The following TMEM163 variants were observed in gnomAD, a reference collection of about 807,000 sequenced individuals.
The protein encoded by TMEM163 is transmembrane protein 163.
In TMEM163, 17 loss-of-function variants were observed where a neutral mutation model predicts 29.3. The ratio of observed to expected loss-of-function variants is 0.58; its 90% confidence interval spans 0.40 to 0.87. The LOEUF (loss-of-function observed/expected upper bound fraction) is 0.87, where lower values mean the gene tolerates loss of function less well. Ranked by LOEUF, TMEM163 falls within the 40% of genes least tolerant of loss-of-function variation. The probability of loss-of-function intolerance (pLI) is 0.00; values close to 1 mark genes in which losing one functional copy is unlikely to be tolerated. For synonymous variants in TMEM163, 157 were observed against 160.6 expected, an observed-to-expected ratio of 0.98 and a Z score of 0.17; for missense variants, 303 against 381.5, an observed-to-expected ratio of 0.79 and a Z score of 1.71.
chr2:134,463,036 C>T (rs909658944), intron 6 of TMEM163, among the ~76,000 whole-genome samples: 4 of 152,246 alleles, frequency 2.6e-5, no homozygotes, highest in Non-Finnish European at 4.4e-5. Context: ...GCTATGGACT[C>T]ACCACTGGGA....
At chr2:134,707,897 C>CTTTTTT (rs35922959) in intron 2 of TMEM163, among the ~76,000 whole-genome samples, 1 of 133,666 alleles carries the variant, frequency 7.5e-6, no homozygotes. Flanking sequence ...CAGACCAGAA[C>CTTTTTT]TTTTTTTTTT....
chr2:134,538,742 C>T (rs1310618040), intron 4 of TMEM163, among the ~76,000 whole-genome samples: 1 of 152,156 alleles, frequency 6.6e-6, no homozygotes, highest in Non-Finnish European at 1.5e-5. Context: ...ACCAAGAGTA[C>T]CTGATTCCAT....
intron 2 of TMEM163, among the ~76,000 whole-genome samples, chr2:134,571,261 C>T (rs999349125): frequency 6.6e-6 from 1 of 152,138 alleles, no homozygotes; most frequent in Non-Finnish European, 1.5e-5. Flanking sequence ...AATGGCATTG[C>T]CCATATACTG....
At chr2:134,700,941 A>AATAAATAAATACATACATAAATAC (rs371684167) in intron 2 of TMEM163, among the ~76,000 whole-genome samples, 14 of 146,410 alleles carry the variant, frequency 9.6e-5, no homozygotes, top group African/African-American at 2.8e-4. Context: ...TAAATAAATA[A>AATAAATAAATACATACATAAATAC]ATAAATAAAG....
At chr2:134,650,240 C>T (rs1424041748) in intron 2 of TMEM163, among the ~76,000 whole-genome samples, 1 of 151,688 alleles carries the variant, frequency 6.6e-6, no homozygotes, top group African/African-American at 2.4e-5. Flanking sequence ...AAAAGGAGCT[C>T]GGAACCTTTA....
At chr2:134,587,972 G>T (rs1224354212) in intron 2 of TMEM163, among the ~76,000 whole-genome samples, 2 of 152,208 alleles carry the variant, frequency 1.3e-5, no homozygotes, top group African/African-American at 4.8e-5. Flanking sequence ...CATCCAAAGG[G>T]AAGGAAAATG....
At chr2:134,576,562 A>G (rs1010202777) in intron 2 of TMEM163, among the ~76,000 whole-genome samples, 2 of 152,204 alleles carry the variant, frequency 1.3e-5, no homozygotes, top group East Asian at 3.8e-4. Flanking sequence ...TCAGAGGCCA[A>G]GATTTTCTTT....
chr2:134,580,616 C>G lies in TMEM163; in HGVS notation c.323-28525G>C, dbSNP rs369064011. On this transcript the variant is annotated intron_variant, in intron 2 of 7. Coordinates refer to ENST00000281924, the MANE Select transcript of TMEM163 (RefSeq NM_030923.5). The stretch of plus-strand genomic sequence containing the variant: ...GCCCAAGATCAATGCAAAAATAAGT[C>G]AAACAACCCTAGAGGCCGGGCGCAG... Among the ~76,000 whole-genome samples, 6 of 152,054 alleles carry G rather than the reference C, an allele frequency of 3.9e-5. No homozygotes were observed. The East Asian group carries it at 9.6e-4, about 24-fold the overall frequency.
chr2:134,651,869 A>T (rs1479343604), intron 2 of TMEM163, among the ~76,000 whole-genome samples: 1 of 118,170 alleles, frequency 8.5e-6, no homozygotes. Context: ...ATGCGGCATT[A>T]TTTCTGAGGG....
intron 1 of TMEM163, among the ~76,000 whole-genome samples, chr2:134,718,453 G>C (rs1446500386): frequency 2.0e-5 from 3 of 152,250 alleles, no homozygotes; most frequent in South Asian, 4.1e-4. Flanking sequence ...GGGCGCCGGA[G>C]GGCCTGGAGC....
intron 4 of TMEM163, among the ~76,000 whole-genome samples, chr2:134,536,627 G>T (rs1183906131): frequency 6.6e-6 from 1 of 152,160 alleles, no homozygotes; most frequent in Non-Finnish European, 1.5e-5. Flanking sequence ...AAAACTGGAA[G>T]AGCGAAACCT....
intron 2 of TMEM163, among the ~76,000 whole-genome samples, chr2:134,683,427 A>T (rs886090077): frequency 3.8e-5 from 4 of 104,114 alleles, no homozygotes; most frequent in South Asian, 2.4e-4. Context: ...TCTTTAATTT[A>T]AAAAAAAAAA....
intron 2 of TMEM163, among the ~76,000 whole-genome samples, chr2:134,612,926 C>T (rs544204825): frequency 2.9e-4 from 44 of 152,260 alleles, no homozygotes; most frequent in African/African-American, 9.9e-4. Context: ...AAAACTGTCT[C>T]AGAGGAAGCC....
intron 2 of TMEM163, among the ~76,000 whole-genome samples, chr2:134,633,016 C>T (rs1397167506): frequency 6.6e-6 from 1 of 151,770 alleles, no homozygotes; most frequent in Non-Finnish European, 1.5e-5. Context: ...CCTCGGCCTC[C>T]CAAAGTGCTG....
chr2:134,644,569 T>C lies in TMEM163; in HGVS notation c.322+68631A>G, dbSNP rs554027194. ...TATGCAAAAAATAAGTTGCAATCTA[T>C]ACACATCATAATTAGTTGCAACCTA... On this transcript the variant is annotated intron_variant, in intron 2 of 7. Transcript: ENST00000281924. Among the ~76,000 whole-genome samples the C allele has an allele frequency of 7.9e-5, 12 of 152,298 alleles. No homozygotes were observed. In the East Asian group the frequency reaches 1.9e-3, roughly 24 times the overall value.
At chr2:134,547,799 T>C (rs1394284404) in intron 4 of TMEM163, among the ~76,000 whole-genome samples, 2 of 152,230 alleles carry the variant, frequency 1.3e-5, no homozygotes, top group African/African-American at 4.8e-5. Context: ...TTTTTGCCTT[T>C]TCGACAATGA....
At chr2:134,536,778 A>G (rs1269615758) in intron 4 of TMEM163, among the ~76,000 whole-genome samples, 2 of 152,224 alleles carry the variant, frequency 1.3e-5, no homozygotes, top group African/African-American at 4.8e-5. Context: ...GTCAGATTAG[A>G]AAAGGAACTA....
intron 2 of TMEM163, among the ~76,000 whole-genome samples, chr2:134,639,243 C>G (rs749425946): frequency 6.6e-6 from 1 of 152,146 alleles, no homozygotes; most frequent in Non-Finnish European, 1.5e-5. Context: ...TTTCACAGGA[C>G]AGGAAGACTG....
intron 2 of TMEM163, among the ~76,000 whole-genome samples, chr2:134,629,458 T>C (rs1209865472): frequency 1.3e-5 from 2 of 152,226 alleles, no homozygotes; most frequent in Non-Finnish European, 2.9e-5. Context: ...ATTAATGATA[T>C]AATTTTTGTA....
Sources: allele counts gnomAD v4.1 joint callset (sites outside exome capture counted in the v4.1 genomes callset), GRCh38; gene constraint gnomAD v4.1.1; transcripts MANE v1.5; gene names NCBI Gene and HGNC (gene_info 2026-07-23, HGNC 2026-07-21).